Variants in LINGO2 observed in about 807,000 individuals in gnomAD.
The protein encoded by LINGO2 is leucine rich repeat and Ig domain containing 2.
In LINGO2, 14 loss-of-function variants were observed where a neutral mutation model predicts 30.6. That is an observed-to-expected ratio of 0.46 (90% confidence interval 0.30 to 0.72). The LOEUF is 0.72. Among genes scored for constraint, LINGO2 ranks in the 30% least tolerant of loss-of-function variants. LINGO2 has a pLI of 0.07. For missense variants in LINGO2, 729 were observed against 751.7 expected, an observed-to-expected ratio of 0.97 and a Z score of 0.35; for synonymous variants, 317 against 288.5, an observed-to-expected ratio of 1.10 and a Z score of -1.00.
the LINGO2 span, among the ~76,000 whole-genome samples, chr9:28,675,763 C>T: frequency 1.3e-5 from 2 of 150,372 alleles, no homozygotes; most frequent in Non-Finnish European, 1.5e-5. Context: ...CCTAGCTACT[C>T]GGGAGGCTGA....
At chr9:28,502,941 G>C (rs937400297) in intron 1 of LINGO2, among the ~76,000 whole-genome samples, 1 of 152,080 alleles carries the variant, frequency 6.6e-6, no homozygotes, top group Non-Finnish European at 1.5e-5. Context: ...TTCCTGTGCA[G>C]ATAATGTAGG....
chr9:28,111,030 T>G (rs1410968841), intron 4 of LINGO2, among the ~76,000 whole-genome samples: 1 of 152,170 alleles, frequency 6.6e-6, no homozygotes, highest in Non-Finnish European at 1.5e-5. Flanking sequence ...ATGTGGCACA[T>G]ATATATCATG....
At chr9:28,633,905 T>C (rs1827121344) in intron 1 of LINGO2, among the ~76,000 whole-genome samples, 2 of 152,296 alleles carry the variant, frequency 1.3e-5, no homozygotes, top group Non-Finnish European at 1.5e-5. Context: ...TTTTGTTTTA[T>C]AGGCACACAC....
chr9:28,890,572 G>T, the LINGO2 span, among the ~76,000 whole-genome samples: 1 of 152,102 alleles, frequency 6.6e-6, no homozygotes, highest in East Asian at 1.9e-4. Flanking sequence ...TGGCAGAGGA[G>T]TTTGGAGGAC....
intron 4 of LINGO2, among the ~76,000 whole-genome samples, chr9:28,107,404 T>C (rs1826627639): frequency 6.6e-6 from 1 of 152,184 alleles, no homozygotes; most frequent in Non-Finnish European, 1.5e-5. Flanking sequence ...GGATACATTC[T>C]GACTTTGGGA....
At chr9:28,472,046 A>G (rs1212029347) in intron 2 of LINGO2, among the ~76,000 whole-genome samples, 1 of 152,144 alleles carries the variant, frequency 6.6e-6, no homozygotes, top group African/African-American at 2.4e-5. Context: ...CTTGTGAGGG[A>G]TTGGAATTTG....
chr9:28,156,336 G>A lies in LINGO2; in HGVS notation c.-87+138872C>T, dbSNP rs116659830. 5.5e-3 allele frequency among the ~76,000 whole-genome samples: 836 copies of A among 152,250 alleles called. 7 individuals carry two copies. The highest frequency in any genetic ancestry group is 0.018 in the African/African-American group (727 of 41,538). ...GAGAGTAACCCCATTCTAAGGAATG[G>A]TTTGTAAAAATGCAGTAGATCCAAT... On this transcript the variant is annotated intron_variant, in intron 4 of 5. Coordinates refer to ENST00000379992, the Ensembl canonical transcript of LINGO2.
At chr9:28,432,641 C>T (rs1357811233) in intron 2 of LINGO2, among the ~76,000 whole-genome samples, 2 of 152,186 alleles carry the variant, frequency 1.3e-5, no homozygotes, top group African/African-American at 4.8e-5. Context: ...AAAGGACAGT[C>T]TGAATGCTTT....
chr9:28,218,314 T>A (rs1820841229), intron 4 of LINGO2, among the ~76,000 whole-genome samples: 1 of 151,410 alleles, frequency 6.6e-6, no homozygotes, highest in African/African-American at 2.4e-5. Flanking sequence ...TTGGATAGAA[T>A]CTGTAAAAGA....
chr9:28,961,103 T>C, the LINGO2 span, among the ~76,000 whole-genome samples: 2 of 152,166 alleles, frequency 1.3e-5, no homozygotes, highest in Non-Finnish European at 2.9e-5. Context: ...TTGGTAATAG[T>C]AGAAATCCAG....
the LINGO2 span, among the ~76,000 whole-genome samples, chr9:28,877,726 G>A: frequency 2.0e-5 from 3 of 152,236 alleles, no homozygotes; most frequent in Admixed American, 2.0e-4. Flanking sequence ...GATTGACTTG[G>A]CAATGCAGGC....
chr9:28,016,327 A>AG (rs1275394933), intron 4 of LINGO2, among the ~76,000 whole-genome samples: 1 of 152,140 alleles, frequency 6.6e-6, no homozygotes, highest in African/African-American at 2.4e-5. Flanking sequence ...CCAAATACTT[A>AG]GGTCAGGCTA....
intron 3 of LINGO2, among the ~76,000 whole-genome samples, chr9:28,324,878 C>T (rs75390716): frequency 1.2e-4 from 18 of 152,192 alleles, no homozygotes; most frequent in Middle Eastern, 3.4e-3. Context: ...TTTACTTCTC[C>T]GATAATATTG....
chr9:28,198,109 G>T (rs2133805914), intron 4 of LINGO2, among the ~76,000 whole-genome samples: 2 of 150,680 alleles, frequency 1.3e-5, no homozygotes, highest in Middle Eastern at 6.8e-3. Flanking sequence ...TTACTCGTAG[G>T]AATTTATCCT....
the LINGO2 span, chr9:27,942,759 C>T: frequency 1.1e-4 from 17 of 152,024 alleles, no homozygotes; most frequent in African/African-American, 2.2e-4. Context: ...ACTTTTAAAA[C>T]GGTTATAATT....
intron 1 of LINGO2, among the ~76,000 whole-genome samples, chr9:28,530,741 A>G (rs1327843367): frequency 6.6e-6 from 1 of 152,102 alleles, no homozygotes; most frequent in Non-Finnish European, 1.5e-5. Context: ...TAAAATGTTC[A>G]CTATTGATTT....
At chr9:28,764,885 AACT>A in the LINGO2 span, among the ~76,000 whole-genome samples, 5 of 152,008 alleles carry the variant, frequency 3.3e-5, no homozygotes, top group Non-Finnish European at 5.9e-5. Context: ...AAGCTAAAAA[AACT>A]ACTGCATTTA....
At chr9:28,513,680 T>C (rs1820505109) in intron 1 of LINGO2, among the ~76,000 whole-genome samples, 1 of 152,224 alleles carries the variant, frequency 6.6e-6, no homozygotes, top group Non-Finnish European at 1.5e-5. Flanking sequence ...TCAGATATTG[T>C]TCTATAAAAT....
intron 5 of LINGO2, among the ~76,000 whole-genome samples, chr9:27,961,697 TGCAGAA>T (rs1819856816): frequency 6.6e-6 from 1 of 152,146 alleles, no homozygotes. Context: ...AAAATAGACT[TGCAGAA>T]GAGAAAGACT....
Sources: allele counts gnomAD v4.1 joint callset (sites outside exome capture counted in the v4.1 genomes callset), GRCh38; gene constraint gnomAD v4.1.1; transcripts MANE v1.5; gene names NCBI Gene and HGNC (gene_info 2026-07-23, HGNC 2026-07-21).